The following SLC22A6 variants were observed in gnomAD, a reference collection of about 807,000 sequenced individuals.
The protein encoded by SLC22A6 is PAH transporter.
In SLC22A6, 45 loss-of-function variants were observed where a neutral mutation model predicts 56.7. The observed-to-expected ratio is 0.79, with a 90% CI of 0.63 to 1.02. SLC22A6 has a LOEUF of 1.02. Among genes scored for constraint, SLC22A6 ranks in the 50% least tolerant of loss-of-function variants. The pLI, the probability that SLC22A6 is intolerant of heterozygous loss-of-function variation, is 0.00. For missense variants in SLC22A6, 606 were observed against 713.8 expected (o/e 0.85, Z 1.72); for synonymous variants, 291 against 295.9 (o/e 0.98, Z 0.17).
At chr11:62,976,969 G>A (rs1269601362) in intron 9 of SLC22A6, 88 bp from the exon 10 acceptor site, 1 of 1,518,140 alleles carries the variant, frequency 6.6e-7, no homozygotes, top group Non-Finnish European at 9.1e-7. Flanking sequence ...TCTCCGCTCA[G>A]CTATGCCTGG....
At chr11:62,979,238 A>G (rs1405041441) in intron 8 of SLC22A6, among the ~76,000 whole-genome samples, 1 of 152,074 alleles carries the variant, frequency 6.6e-6, no homozygotes, top group Non-Finnish European at 1.5e-5. Flanking sequence ...TTGGTTCCTT[A>G]CCCTGCCCCA....
intron 6 of SLC22A6, among the ~76,000 whole-genome samples, chr11:62,980,691 T>C (rs2086242692): frequency 6.6e-6 from 1 of 152,238 alleles, no homozygotes; most frequent in Non-Finnish European, 1.5e-5. Context: ...GGTCTCTGCC[T>C]TCATGATGTA....
chr11:62,982,767 T>A lies in SLC22A6; in HGVS notation c.629-757A>T, dbSNP rs971371920. ...TGGCCCATGGAGAGACCACACTCAG[T>A]CCACAAATGTGTCTTGTCTGCACGA... is the stretch of plus-strand genomic sequence containing the variant. On this transcript the variant is annotated intron_variant, in intron 3 of 9. Transcript: ENST00000360421. 4.6e-5 allele frequency among the ~76,000 whole-genome samples: 7 copies of A among 152,216 alleles called. 1 individual carries two copies. The highest frequency in any genetic ancestry group is 1.7e-4 in the African/African-American group (7 of 41,454).
Position 62,984,718 on chromosome 11 carries a change from G to A in SLC22A6, c.-28C>T, listed in dbSNP as rs1281715729. ...GGCCAGGCCCAGCCCAGTGGCTGGG[G>A]GCTGAGGCCTTCCAGTCCCAGGACC... On this transcript the variant is annotated 5_prime_UTR_variant, in exon 1 of 10. Transcript: ENST00000360421. 1.9e-6 allele frequency: 3 copies of A among 1,596,094 alleles called. No individual in the cohort carries two copies. Among genetic ancestry groups the A allele is most frequent in the African/African-American group, 1.3e-5 (1 of 74,510 alleles).
rs1276558704 is a variant in SLC22A6, at chr11:62,979,782, G to A, written c.1204C>T (p.Leu402=). ...AGGATGCAGATGCCTGCCAGCAGCAGTGCAGCCATCTGGGCAGGCCGGCGA... is the reference window on the plus strand; with the variant it reads ...AGGATGCAGATGCCTGCCAGCAGCAATGCAGCCATCTGGGCAGGCCGGCGA... ...LGRRPAQMAA[L]LLAGICILLN... is the part of the protein sequence containing the mutation. Residue 402 remains leucine, a synonymous_variant, in exon 7 of 10, where the codon CTG becomes TTG. Coordinates refer to ENST00000360421, the MANE Select transcript of SLC22A6 (RefSeq NM_153276.3). 3.7e-6 allele frequency: 6 copies of A among 1,614,120 alleles called. No individual in the cohort carries two copies. Among genetic ancestry groups the A allele is most frequent in the South Asian group, 2.2e-5 (2 of 91,092 alleles).
chr11:62,979,178 T>C (rs2086223734), intron 8 of SLC22A6, among the ~76,000 whole-genome samples: 1 of 152,152 alleles, frequency 6.6e-6, no homozygotes, highest in South Asian at 2.1e-4. Flanking sequence ...TAATTTGTGT[T>C]TTGGAGATTA....
chr11:62,976,744 C>G lies in SLC22A6; in HGVS notation c.*50G>C. 6.6e-7 allele frequency: 1 copy of G among 1,503,784 alleles called. No homozygotes were observed. Among genetic ancestry groups the G allele is most frequent in the South Asian group, 1.2e-5 (1 of 84,456 alleles). The allele number at this position is 1,503,784 out of a possible 1,614,324, so 93.2% of individuals were successfully genotyped here. On this transcript the variant is annotated 3_prime_UTR_variant, in exon 10 of 10. Coordinates refer to ENST00000360421, the MANE Select transcript of SLC22A6 (RefSeq NM_153276.3). ...CCTCCTTGTGTGGGTGGCCGGAGAC[C>G]TGTAGGACCTTCCCTCCCTTTAGGG...
At chr11:62,982,955 C>T (rs1341476636) in intron 3 of SLC22A6, among the ~76,000 whole-genome samples, 1 of 152,164 alleles carries the variant, frequency 6.6e-6, no homozygotes, top group Non-Finnish European at 1.5e-5. Context: ...GGTGTCTCTC[C>T]TTTGAATACA....
chr11:62,981,756 A>T, intron 4 of SLC22A6, 86 bp downstream of exon 4: 2 of 1,316,882 alleles, frequency 1.5e-6, no homozygotes, highest in Admixed American at 2.6e-5. Context: ...GTGGGATGGG[A>T]TGTGTGCTGA....
At position 62,984,743 on chromosome 11, in the gene SLC22A6, C is replaced by A; in HGVS notation, c.-53G>T. ...GGCTGAGGCCTTCCAGTCCCAGGAC[C>A]TCTGTCTGTCTGCCTGCCTGCTGTC... On this transcript the variant is annotated 5_prime_UTR_variant, in exon 1 of 10. In the 5' UTR this introduces an upstream ATG that the reference lacks. Coordinates refer to ENST00000360421, the MANE Select transcript of SLC22A6 (RefSeq NM_153276.3). 6.5e-7 allele frequency: 1 copy of A among 1,546,726 alleles called. No homozygotes were observed. The highest frequency in any genetic ancestry group is 1.2e-5 in the South Asian group (1 of 81,918).
Position 62,979,551 on chromosome 11 carries a change from CA to C in SLC22A6, c.1297del (p.Cys433ValfsTer20), listed in dbSNP as rs2086228398. 1 of 1,614,070 alleles carries C rather than the reference CA, an allele frequency of 6.2e-7. No individual in the cohort carries two copies. The highest frequency in any genetic ancestry group is 8.5e-7 in the Non-Finnish European group (1 of 1,180,030). On this transcript the variant is annotated frameshift_variant, in exon 8 of 10. Transcript: ENST00000360421. LOFTEE classifies it high-confidence loss of function. ...GATGCAGTTGAAGGAGGCAGCCAGA[CA>C]ACCCTTCCCCAGCACAGCAAGAGAG... ...RTSLAVLGKGCLAASFNCIFL... is the reference protein window; with the variant it reads ...RTSLAVLGKGXLAASFNCIFL...
Position 62,984,339 on chromosome 11 carries a change from A to G in SLC22A6, c.352T>C (p.Ser118Pro), listed in dbSNP as rs1565288562. The G allele has an allele frequency of 6.2e-7, 1 of 1,612,824 alleles. No homozygotes were observed. The highest frequency in any genetic ancestry group is 8.5e-7 in the Non-Finnish European group (1 of 1,179,860). Residue 118 changes from serine (S) to proline (P), a missense_variant, in exon 1 of 10, where the codon TCT becomes CCT. Coordinates refer to ENST00000360421, the MANE Select transcript of SLC22A6 (RefSeq NM_153276.3). The part of the protein sequence containing the change: ...GWIYDNSTFP[S>P]TIVTEWDLVC... ...GTGCTCACCTCAGTCACGATGGTAG[A>G]TGGGAAGGTGCTGTTGTCATAGATC...
Position 62,980,969 on chromosome 11 carries a change from G to C in SLC22A6, c.1037+16C>G. 6.3e-7 allele frequency: 1 copy of C among 1,580,990 alleles called. No individual in the cohort carries two copies. Among genetic ancestry groups the C allele is most frequent in the East Asian group, 2.2e-5 (1 of 44,468 alleles). ...GCCAGCCTTTTGTCTCAGTCTGTCT[G>C]TCTTTCTGGGCCTACCACAGCATGG... is the stretch of plus-strand genomic sequence containing the variant. On this transcript the variant is annotated intron_variant, in intron 6 of 9. Transcript: ENST00000360421.
rs367650942 is a variant in SLC22A6 at position 62,976,784 on chromosome 11, T to G, written c.*10A>C. On this transcript the variant is annotated 3_prime_UTR_variant, in exon 10 of 10. Coordinates refer to ENST00000360421, the MANE Select transcript of SLC22A6 (RefSeq NM_153276.3). ...TCCCTTTAGGGTTCTGTAAGGCCCC[T>G]TCTCAGTCCTCAGAGTCCATTCTTC... 1.2e-6 allele frequency: 2 copies of G among 1,609,086 alleles called. No individual in the cohort carries two copies. Among genetic ancestry groups the G allele is most frequent in the Non-Finnish European group, 1.7e-6 (2 of 1,177,182 alleles).
chr11:62,984,891 C>G lies in SLC22A6; in HGVS notation c.-201G>C, dbSNP rs1480541190. Reference sequence around the variant, plus strand: ...TGCTCCTCCTTCTTCCCCGGTCTCCCTGATCTGTCCCTCCCTTTTCCCTTG... The same window carrying G: ...TGCTCCTCCTTCTTCCCCGGTCTCCGTGATCTGTCCCTCCCTTTTCCCTTG... On this transcript the variant is annotated 5_prime_UTR_variant, in exon 1 of 10. Transcript: ENST00000360421. 5.0e-6 allele frequency: 3 copies of G among 594,896 alleles called. No homozygotes were observed. Among genetic ancestry groups the G allele is most frequent in the Non-Finnish European group, 5.9e-6 (2 of 336,632 alleles). The allele number at this position is 594,896 out of a possible 1,614,324, so 36.9% of individuals were successfully genotyped here. A position where few individuals can be genotyped will look rare whatever the true frequency, so the allele number is the denominator to read the frequency against.
chr11:62,982,256 C>A (rs1470466386), intron 3 of SLC22A6, among the ~76,000 whole-genome samples: 1 of 151,908 alleles, frequency 6.6e-6, no homozygotes, highest in Non-Finnish European at 1.5e-5. Flanking sequence ...TCCTCCTCAA[C>A]CTATTCTCCT....
chr11:62,979,588 T>C lies in SLC22A6; in HGVS notation c.1261A>G (p.Ile421Val). Reference sequence around the variant, plus strand: ...AGCACAGCAAGAGAGGTTCGGACAATGGACTGGTCTAGAGAGAAAGAAGGG... The same window carrying C: ...AGCACAGCAAGAGAGGTTCGGACAACGGACTGGTCTAGAGAGAAAGAAGGG... ...LNGVIPQDQS[I>V]VRTSLAVLGK... The change falls in exon 8 of 10, where the codon ATT becomes GTT. Residue 421 changes from isoleucine (I) to valine (V), a missense_variant. Ile to Val is a conservative substitution (Grantham distance 29). Transcript: ENST00000360421. 2 of 1,613,732 alleles carry C rather than the reference T, an allele frequency of 1.2e-6. No individual in the cohort carries two copies. Among genetic ancestry groups the C allele is most frequent in the African/African-American group, 1.3e-5 (1 of 74,958 alleles).
chr11:62,979,432 G>A (rs11568633), intron 8 of SLC22A6, 56 bp downstream of exon 8: 18,070 of 1,207,912 alleles, frequency 0.015, 162 homozygotes, highest in Middle Eastern at 0.024. Context: ...CCTGTGCACA[G>A]AAGAATGTCT....
In SLC22A6 at chr11:62,979,769, C is replaced by A. The variant is rs776871922; in HGVS notation, c.1217G>T (p.Gly406Val). 3 of 1,614,176 alleles carry A rather than the reference C, an allele frequency of 1.9e-6. No individual in the cohort carries two copies. The highest frequency in any genetic ancestry group is 1.7e-6 in the Non-Finnish European group (2 of 1,180,024). ...PAQMAALLLA[G>V]ICILLNGVIP... ...CACCCCATTGAGCAGGATGCAGATG[C>A]CTGCCAGCAGCAGTGCAGCCATCTG... The change falls in exon 7 of 10, where the codon GGC becomes GTC. Residue 406 changes from glycine to valine, a missense_variant. Physicochemically the swap from Gly to Val is moderately radical, Grantham distance 109. Transcript: ENST00000360421.
Sources: gnomAD v4.1 joint callset for allele counts (sites outside exome capture counted in the v4.1 genomes callset) on GRCh38, gnomAD v4.1.1 for gene constraint, MANE v1.5 for transcripts, NCBI Gene and HGNC (gene_info 2026-07-23, HGNC 2026-07-21) for gene names.